The following TMTC1 variants were observed in gnomAD, a reference collection of about 807,000 sequenced individuals.
TMTC1 encodes protein O-mannosyl-transferase TMTC1.
TMTC1 carries 73 observed loss-of-function variants against 104.8 expected under a neutral mutation model. The ratio of observed to expected loss-of-function variants is 0.70; its 90% confidence interval spans 0.58 to 0.85. TMTC1 has a LOEUF of 0.85. TMTC1 is among the 40% of genes least tolerant of loss of function. TMTC1 has a pLI of 0.00. For missense variants in TMTC1, 1,035 were observed against 1,096.1 expected, an observed-to-expected ratio of 0.94 and a Z score of 0.79; for synonymous variants, 434 against 428.7, an observed-to-expected ratio of 1.01 and a Z score of -0.15.
At chr12:29,542,087 C>T (rs1944816560) in intron 10 of TMTC1, among the ~76,000 whole-genome samples, 1 of 152,178 alleles carries the variant, frequency 6.6e-6, no homozygotes, top group African/African-American at 2.4e-5. Context: ...CTTCTCTGAA[C>T]TGACCAAGTC....
chr12:29,744,095 C>T lies in TMTC1; in HGVS notation c.938+7571G>A, dbSNP rs74082505. 5.3e-3 allele frequency among the ~76,000 whole-genome samples: 805 copies of T among 152,322 alleles called. 14 individuals are homozygous for T. The highest frequency in any genetic ancestry group is 0.017 in the African/African-American group (715 of 41,574). On this transcript the variant is annotated intron_variant, in intron 5 of 17. Coordinates refer to ENST00000539277, the MANE Select transcript of TMTC1 (RefSeq NM_001193451.2). ...CCAACCAGAAATGCCTATGTTCTGA[C>T]AGCGTTCTCTTTCAACATATGTCCC...
chr12:29,576,709 CA>C (rs940409980), intron 8 of TMTC1, among the ~76,000 whole-genome samples: 1 of 151,820 alleles, frequency 6.6e-6, no homozygotes, highest in Non-Finnish European at 1.5e-5. Context: ...ATCCCATCTA[CA>C]AAAAGAGGGC....
chr12:29,685,672 CAAGT>C (rs1941069576), intron 5 of TMTC1, among the ~76,000 whole-genome samples: 1 of 151,918 alleles, frequency 6.6e-6, no homozygotes, highest in African/African-American at 2.4e-5. Context: ...TGCAATACAG[CAAGT>C]AATATTGAAA....
chr12:29,685,651 G>C (rs1371915451), intron 5 of TMTC1, among the ~76,000 whole-genome samples: 1 of 151,816 alleles, frequency 6.6e-6, no homozygotes, highest in Admixed American at 6.6e-5. Flanking sequence ...AGAAAAAAAA[G>C]AGGCCTGGTT....
intron 10 of TMTC1, among the ~76,000 whole-genome samples, chr12:29,545,027 T>A (rs1944901890): frequency 6.6e-6 from 1 of 152,176 alleles, no homozygotes; most frequent in Admixed American, 6.5e-5. Flanking sequence ...ACATGAGTGA[T>A]ATGCTTAGCC....
rs58042052 is a variant in TMTC1 at position 29,749,247 on chromosome 12, C to CAA, written c.938+2418_938+2419insTT. Among the ~76,000 whole-genome samples the CAA allele has an allele frequency of 2.0e-5, 3 of 151,988 alleles. No individual in the cohort carries two copies. In the East Asian group the frequency reaches 5.8e-4, roughly 29 times the overall value. On this transcript the variant is annotated intron_variant, in intron 5 of 17. Transcript: ENST00000539277. ...ATCTAAGGATACACACACACACACA[C>CAA]GTCTGAAAAGAAAAATGAACATTCC...
At chr12:29,775,798 C>T (rs2120612763) in intron 1 of TMTC1, among the ~76,000 whole-genome samples, 1 of 152,156 alleles carries the variant, frequency 6.6e-6, no homozygotes, top group South Asian at 2.1e-4. Context: ...ACAGCCCCAA[C>T]CCTCTAATCA....
chr12:29,651,916 AT>A (rs1266331386), intron 5 of TMTC1, among the ~76,000 whole-genome samples: 2 of 151,674 alleles, frequency 1.3e-5, no homozygotes, highest in African/African-American at 4.8e-5. Flanking sequence ...AAAAAAAAAA[AT>A]TAGCCATTGA....
intron 7 of TMTC1, among the ~76,000 whole-genome samples, chr12:29,585,798 A>G (rs186652430): frequency 6.6e-6 from 1 of 152,250 alleles, no homozygotes; most frequent in East Asian, 1.9e-4. Flanking sequence ...ATTGGTCTAT[A>G]TCTCTGTTTT....
intron 2 of TMTC1, among the ~76,000 whole-genome samples, chr12:29,765,546 T>C (rs1943443852): frequency 2.0e-5 from 3 of 152,146 alleles, no homozygotes; most frequent in Admixed American, 2.0e-4. Flanking sequence ...TAAATCTATA[T>C]TTCAAATTTC....
At position 29,540,685 on chromosome 12, in the gene TMTC1, A is replaced by T. The variant is rs1944771005; in HGVS notation, c.1677-4368T>A. 0.029 allele frequency among the ~76,000 whole-genome samples: 5 copies of T among 174 alleles called. No individual in the cohort carries two copies. The South Asian group carries it at 0.5, about 17-fold the overall frequency. The allele number at this position is 174 out of a possible 152,430, so 0.1% of individuals were successfully genotyped here. A position where few individuals can be genotyped will look rare whatever the true frequency, so the allele number is the denominator to read the frequency against. On this transcript the variant is annotated intron_variant, in intron 10 of 17. Transcript: ENST00000539277. The stretch of plus-strand genomic sequence containing the variant: ...ATTCAATAATTGCTGCATTCGTTTA[A>T]AAAAAAAAAATCACCGTAGTTTTGG...
At chr12:29,725,214 T>TG (rs1195338273) in intron 5 of TMTC1, among the ~76,000 whole-genome samples, 1 of 150,948 alleles carries the variant, frequency 6.6e-6, no homozygotes, top group Non-Finnish European at 1.5e-5. Flanking sequence ...TTAGTAGAGA[T>TG]GGGGGTTTCA....
chr12:29,556,346 C>T (rs1210256880), intron 10 of TMTC1, among the ~76,000 whole-genome samples: 1 of 152,210 alleles, frequency 6.6e-6, no homozygotes, highest in Non-Finnish European at 1.5e-5. Flanking sequence ...ACCTACAACA[C>T]AAACTGGGTA....
intron 1 of TMTC1, among the ~76,000 whole-genome samples, chr12:29,778,226 G>A (rs1237410462): frequency 6.6e-6 from 1 of 152,060 alleles, no homozygotes; most frequent in East Asian, 1.9e-4. Flanking sequence ...GAAAGAATCA[G>A]GATTTTAAAG....
chr12:29,657,418 G>A (rs954842420), intron 5 of TMTC1, among the ~76,000 whole-genome samples: 3 of 152,100 alleles, frequency 2.0e-5, no homozygotes, highest in Admixed American at 2.0e-4. Context: ...ACAAAGCTGG[G>A]TTAGAGAAGT....
intron 5 of TMTC1, among the ~76,000 whole-genome samples, chr12:29,698,960 T>G (rs1941502693): frequency 6.6e-6 from 1 of 152,168 alleles, no homozygotes; most frequent in Admixed American, 6.5e-5. Context: ...TTTATTAGGA[T>G]GAATGGGAAA....
At chr12:29,571,025 T>C (rs1315180669) in intron 9 of TMTC1, among the ~76,000 whole-genome samples, 3 of 152,158 alleles carry the variant, frequency 2.0e-5, no homozygotes, top group Non-Finnish European at 4.4e-5. Flanking sequence ...ACAATGACAC[T>C]ATCAAAATAA....
intron 6 of TMTC1, among the ~76,000 whole-genome samples, chr12:29,604,887 T>C (rs1946657110): frequency 6.6e-6 from 1 of 152,212 alleles, no homozygotes; most frequent in Admixed American, 6.5e-5. Context: ...ATTTACTCCA[T>C]TGATTTTTTG....
rs1336322961 is a variant in TMTC1, at chr12:29,501,907, T to C, written c.*4939A>G. 1 of 152,244 alleles carries C rather than the reference T, an allele frequency of 6.6e-6. No homozygotes were observed. Among genetic ancestry groups the C allele is most frequent in the East Asian group, 1.9e-4 (1 of 5,202 alleles). 9.4% of individuals were successfully genotyped at this position (152,244 alleles called of 1,614,324 possible). Reference sequence around the variant, plus strand: ...TATTAAACCATACTTTTGATTGCAGTTATTTTCTGTTCTCTTTAAATTACA... The same window carrying C: ...TATTAAACCATACTTTTGATTGCAGCTATTTTCTGTTCTCTTTAAATTACA... On this transcript the variant is annotated 3_prime_UTR_variant, in exon 18 of 18. Coordinates refer to ENST00000539277, the MANE Select transcript of TMTC1 (RefSeq NM_001193451.2).
Sources: gnomAD v4.1 joint callset for allele counts (sites outside exome capture counted in the v4.1 genomes callset) on GRCh38, gnomAD v4.1.1 for gene constraint, MANE v1.5 for transcripts, NCBI Gene and HGNC (gene_info 2026-07-23, HGNC 2026-07-21) for gene names.